The following KCNIP3 variants were observed in gnomAD, a reference collection of about 807,000 sequenced individuals.
KCNIP3 encodes the protein potassium voltage-gated channel interacting protein 3.
In KCNIP3, 28 loss-of-function variants were observed where a neutral mutation model predicts 35.0. The ratio of observed to expected loss-of-function variants is 0.80; its 90% CI spans 0.59 to 1.10. The LOEUF (loss-of-function observed/expected upper bound fraction) is 1.10. Ranked by LOEUF, KCNIP3 falls within the 50% of genes least tolerant of loss-of-function variation. The pLI, the probability that KCNIP3 is intolerant of heterozygous loss-of-function variation, is 0.00. For missense variants in KCNIP3, 295 were observed against 338.4 expected (o/e 0.87, Z 1.01); for synonymous variants, 134 against 133.8 (o/e 1.00, Z -0.01).
Position 95,316,447 on chromosome 2 carries a change from C to T in KCNIP3, c.181+5927C>T, listed in dbSNP as rs192059318. Among the ~76,000 whole-genome samples, 62 of 152,328 alleles carry T rather than the reference C, an allele frequency of 4.1e-4. No individual in the cohort carries two copies. The South Asian group carries it at 0.011, about 26-fold the overall frequency. ...AGTGGCTTGATCAAGACAGGTGCAT[C>T]GGCTCCTATATGGGAAACATGGGGT... On this transcript the variant is annotated intron_variant, in intron 2 of 8. Transcript: ENST00000295225.
At chr2:95,308,590 G>A (rs1678235689) in intron 1 of KCNIP3, among the ~76,000 whole-genome samples, 1 of 152,232 alleles carries the variant, frequency 6.6e-6, no homozygotes, top group Admixed American at 6.5e-5. Context: ...GGGGGTGCCA[G>A]GCCCATGCCT....
chr2:95,316,158 G>A (rs1211199504), intron 2 of KCNIP3, among the ~76,000 whole-genome samples: 5 of 152,240 alleles, frequency 3.3e-5, no homozygotes, highest in East Asian at 1.9e-4. Flanking sequence ...CCATGGCCCC[G>A]TAGAGCATTC....
chr2:95,314,890 G>C (rs1489388584), intron 2 of KCNIP3, among the ~76,000 whole-genome samples: 1 of 152,210 alleles, frequency 6.6e-6, no homozygotes, highest in Non-Finnish European at 1.5e-5. Context: ...TCTGGCTGGG[G>C]GAGAGGCAGC....
At chr2:95,346,287 A>T (rs1332360601) in intron 2 of KCNIP3, among the ~76,000 whole-genome samples, 1 of 150,258 alleles carries the variant, frequency 6.7e-6, no homozygotes, top group East Asian at 2.0e-4. Flanking sequence ...TCCCCGGGAG[A>T]GCGCAGCCGC....
chr2:95,346,989 G>A, intron 2 of KCNIP3: 1 of 1,552,476 alleles, frequency 6.4e-7, no homozygotes, highest in South Asian at 1.2e-5. Context: ...GGTGCGCCCG[G>A]GCCCCAGGGC....
intron 2 of KCNIP3, among the ~76,000 whole-genome samples, chr2:95,321,089 C>T (rs921143124): frequency 3.3e-5 from 5 of 151,314 alleles, no homozygotes; most frequent in Non-Finnish European, 7.4e-5. Context: ...CCCTGCCCCC[C>T]GAGCCTTCCC....
intron 2 of KCNIP3, among the ~76,000 whole-genome samples, chr2:95,366,305 G>T (rs1679915935): frequency 6.6e-6 from 1 of 152,142 alleles, no homozygotes; most frequent in South Asian, 2.1e-4. Flanking sequence ...GACATGATCT[G>T]CCTCTGGAGT....
chr2:95,349,238 G>A (rs559858580), intron 2 of KCNIP3, among the ~76,000 whole-genome samples: 3 of 152,324 alleles, frequency 2.0e-5, no homozygotes, highest in African/African-American at 7.2e-5. Context: ...AGCCCAGGCT[G>A]TCCCACCAGC....
At chr2:95,317,517 G>A (rs1016430595) in intron 2 of KCNIP3, among the ~76,000 whole-genome samples, 1 of 152,140 alleles carries the variant, frequency 6.6e-6, no homozygotes, top group African/African-American at 2.4e-5. Flanking sequence ...TGGCTGCCCC[G>A]GGGCTCTGGG....
intron 2 of KCNIP3, among the ~76,000 whole-genome samples, chr2:95,373,572 G>A (rs933936631): frequency 2.0e-5 from 3 of 151,938 alleles, no homozygotes; most frequent in Middle Eastern, 3.2e-3. Flanking sequence ...ACAGGCGCCC[G>A]CCACCATGCC....
intron 2 of KCNIP3, among the ~76,000 whole-genome samples, chr2:95,320,461 C>T (rs1200022046): frequency 6.6e-6 from 1 of 152,110 alleles, no homozygotes; most frequent in Non-Finnish European, 1.5e-5. Flanking sequence ...TCTCTATGCC[C>T]TTCCCAGACC....
At chr2:95,339,239 A>C (rs1281103760) in intron 2 of KCNIP3, among the ~76,000 whole-genome samples, 1 of 152,102 alleles carries the variant, frequency 6.6e-6, no homozygotes, top group Non-Finnish European at 1.5e-5. Flanking sequence ...CTCCTCCTTC[A>C]GCCACAAGGG....
intron 2 of KCNIP3, among the ~76,000 whole-genome samples, chr2:95,325,650 CAAAT>C (rs1349655524): frequency 4.6e-5 from 7 of 151,866 alleles, no homozygotes; most frequent in East Asian, 1.9e-4. Context: ...CGCATACACA[CAAAT>C]AGATACACAC....
At chr2:95,331,275 A>G (rs1406219055) in intron 2 of KCNIP3, among the ~76,000 whole-genome samples, 1 of 152,150 alleles carries the variant, frequency 6.6e-6, no homozygotes, top group East Asian at 1.9e-4. Context: ...TTGCGTGAGA[A>G]CGAGAGGAGT....
At chr2:95,299,037 G>A (rs1490377804) in intron 1 of KCNIP3, 1 of 152,390 alleles carries the variant, frequency 6.6e-6, no homozygotes, top group East Asian at 1.9e-4. Context: ...ACTGCCAAAG[G>A]TCACTCTGGG....
At chr2:95,348,969 GATAAT>G (rs1679444843) in intron 2 of KCNIP3, among the ~76,000 whole-genome samples, 1 of 152,170 alleles carries the variant, frequency 6.6e-6, no homozygotes, top group Non-Finnish European at 1.5e-5. Flanking sequence ...GGCTTGCATG[GATAAT>G]AAATGTGCAG....
At chr2:95,366,207 T>C (rs1679914263) in intron 2 of KCNIP3, among the ~76,000 whole-genome samples, 1 of 152,174 alleles carries the variant, frequency 6.6e-6, no homozygotes, top group African/African-American at 2.4e-5. Context: ...TCTTTGGTAG[T>C]CAGCCCCCAG....
At chr2:95,310,878 T>C in intron 2 of KCNIP3, 2 of 327,140 alleles carry the variant, frequency 6.1e-6, no homozygotes, top group South Asian at 2.9e-5. Flanking sequence ...ATTGATCCTT[T>C]CTAAGCCTTC....
At chr2:95,370,082 T>C (rs896211468) in intron 2 of KCNIP3, among the ~76,000 whole-genome samples, 9 of 152,234 alleles carry the variant, frequency 5.9e-5, no homozygotes, top group African/African-American at 2.2e-4. Context: ...TTTAAAGTTC[T>C]TTTCTAATAA....
Sources: allele counts gnomAD v4.1 joint callset (sites outside exome capture counted in the v4.1 genomes callset), GRCh38; gene constraint gnomAD v4.1.1; transcripts MANE v1.5; gene names NCBI Gene and HGNC (gene_info 2026-07-23, HGNC 2026-07-21).